Variants in PTGIR observed in about 807,000 individuals in gnomAD.
PTGIR encodes prostaglandin I2 receptor, also known as prostacyclin receptor.
A neutral mutation model predicts 17.6 loss-of-function variants in PTGIR; 16 were observed. That is an observed-to-expected ratio of 0.91 (90% CI 0.61 to 1.38). PTGIR has a LOEUF of 1.38. Ranked by LOEUF, PTGIR falls within the 40% of genes most tolerant of loss-of-function variation. The pLI, the probability that PTGIR is intolerant of heterozygous loss-of-function variation, is 0.00. For missense variants in PTGIR, 532 were observed against 548.6 expected, an observed-to-expected ratio of 0.97 and a Z score of 0.30; for synonymous variants, 274 against 255.4, an observed-to-expected ratio of 1.07 and a Z score of -0.69.
the PTGIR span, among the ~76,000 whole-genome samples, chr19:46,613,027 CTTTTTTTTTTTTTTTTTTTTTT>C: frequency 1.2e-4 from 9 of 74,238 alleles, no homozygotes; most frequent in East Asian, 3.6e-3. Flanking sequence ...TTGTGCCAAA[CTTTTTTTTTTTTTTTTTTTTTT>C]TTTTTTTTTT....
chr19:46,616,228 C>T (rs571927380), downstream of PTGIR, among the ~76,000 whole-genome samples: 5 of 150,824 alleles, frequency 3.3e-5, no homozygotes, highest in Admixed American at 1.3e-4. Context: ...CAGACCAGAG[C>T]AACTCAAGGT....
chr19:46,611,976 C>T, the PTGIR span, among the ~76,000 whole-genome samples: 44 of 152,366 alleles, frequency 2.9e-4, no homozygotes, highest in African/African-American at 1.0e-3. Flanking sequence ...TCCCAGGGCC[C>T]TCCTTGTGGC....
downstream of PTGIR, among the ~76,000 whole-genome samples, chr19:46,619,547 A>AAGAGAG (rs200797814): frequency 9.0e-4 from 79 of 87,898 alleles, no homozygotes; most frequent in Middle Eastern, 5.1e-3. Context: ...GAAAGAAAGA[A>AAGAGAG]AGAGAGAGAG....
chr19:46,613,205 G>T, the PTGIR span, among the ~76,000 whole-genome samples: 1 of 149,238 alleles, frequency 6.7e-6, no homozygotes, highest in East Asian at 2.0e-4. Context: ...CACCATGCCC[G>T]GCTAATTTTT....
downstream of PTGIR, among the ~76,000 whole-genome samples, chr19:46,619,572 AG>A (rs1568675629): frequency 1.4e-4 from 20 of 140,022 alleles, no homozygotes; most frequent in African/African-American, 4.7e-4. Flanking sequence ...AGAGAGAGAG[AG>A]AGAGAGAGAG....
At chr19:46,615,907 TCCTCCCAACTCCA>T (rs377394658), downstream of PTGIR, among the ~76,000 whole-genome samples, 2 of 151,284 alleles carry the variant, frequency 1.3e-5, no homozygotes, top group African/African-American at 4.9e-5. Context: ...ACCCAAGCAA[TCCTCCCAACTCCA>T]CCTCCCAAGT....
chr19:46,623,923 G>A lies in PTGIR; in HGVS notation c.303C>T (p.Phe101=), dbSNP rs1171941857. Residue 101 remains phenylalanine, a synonymous_variant, in exon 2 of 3, where the codon TTC becomes TTT. Coordinates refer to ENST00000291294, the MANE Select transcript of PTGIR (RefSeq NM_000960.4). ...GGATGAGCATGGACGCCAGGCCGAAGAAGGTCATGGCGAAGGCGAAGGCAT... is the reference window on the plus strand; with the variant it reads ...GGATGAGCATGGACGCCAGGCCGAAAAAGGTCATGGCGAAGGCGAAGGCAT... ...LCDAFAFAMT[F]FGLASMLILF... 3.7e-6 allele frequency: 6 copies of A among 1,603,868 alleles called. No homozygotes were observed. Among genetic ancestry groups the A allele is most frequent in the Admixed American group, 1.7e-5 (1 of 59,166 alleles).
the PTGIR span, among the ~76,000 whole-genome samples, chr19:46,615,351 A>G: frequency 1.3e-3 from 192 of 152,336 alleles, no homozygotes; most frequent in African/African-American, 4.3e-3. Flanking sequence ...ACACCGTTGT[A>G]TATAAGGAAC....
At chr19:46,623,243 G>C (rs112167448) in intron 2 of PTGIR, 5,160 of 478,064 alleles carry the variant, frequency 0.011, 218 homozygotes, top group African/African-American at 0.091. Flanking sequence ...ATGATCCGCC[G>C]GCCTCGGCCT....
chr19:46,622,429 AT>A lies in PTGIR; in HGVS notation c.769-758del, dbSNP rs1257276372. 3 of 975,860 alleles carry A rather than the reference AT, an allele frequency of 3.1e-6. No individual in the cohort carries two copies. In the Admixed American group the frequency reaches 1.8e-4, roughly 60 times the overall value. The allele number at this position is 975,860 out of a possible 1,614,324, so 60.5% of individuals were successfully genotyped here. ...GAACGTTCTCTTGGTTTCCTGCCAA[AT>A]ACTGTGGAATGGGTGGCTATGATCA... On this transcript the variant is annotated intron_variant, in intron 2 of 2. Transcript: ENST00000291294.
At chr19:46,616,400 C>T (rs142414051), downstream of PTGIR, among the ~76,000 whole-genome samples, 723 of 129,250 alleles carry the variant, frequency 5.6e-3, 10 homozygotes, top group Admixed American at 0.028. Flanking sequence ...GTGGCGTGAT[C>T]TCGGCTCACT....
In PTGIR at chr19:46,621,813, CAA is replaced by C; in HGVS notation, c.769-143_769-142del. ...AGGAGATAAGATAAAGACTAAGTAA[CAA>C]ATGTATCTGGGGAACACAGGGAGAG... is the stretch of plus-strand genomic sequence containing the variant. On this transcript the variant is annotated intron_variant, in intron 2 of 2. Coordinates refer to ENST00000291294, the MANE Select transcript of PTGIR (RefSeq NM_000960.4). The surrounding 1 kb of genome is among the most constrained non-coding windows in gnomAD (Gnocchi z 4.8). The C allele has an allele frequency of 7.0e-7, 1 of 1,424,216 alleles. No individual in the cohort carries two copies. The highest frequency in any genetic ancestry group is 9.2e-7 in the Non-Finnish European group (1 of 1,089,762). 88.2% of individuals were successfully genotyped at this position (1,424,216 alleles called of 1,614,324 possible).
chr19:46,617,028 G>A (rs543232096), downstream of PTGIR, among the ~76,000 whole-genome samples: 1 of 152,376 alleles, frequency 6.6e-6, no homozygotes, highest in Non-Finnish European at 1.5e-5. Context: ...GAAGGGCAAG[G>A]GTGTTTTTGA....
At chr19:46,612,575 G>C in the PTGIR span, among the ~76,000 whole-genome samples, 12 of 152,202 alleles carry the variant, frequency 7.9e-5, no homozygotes, top group Non-Finnish European at 1.5e-4. Context: ...GACACAGCCG[G>C]AATCTGAACC....
chr19:46,614,554 T>C, the PTGIR span: 3 of 454,616 alleles, frequency 6.6e-6, no homozygotes, highest in Non-Finnish European at 8.7e-6. Context: ...CCTCTGTGTC[T>C]GCTGGTTTGA....
In PTGIR at chr19:46,624,178, C is replaced by A. The variant is rs201794414; in HGVS notation, c.48G>T (p.Gly16=). The A allele has an allele frequency of 6.5e-5, 96 of 1,482,402 alleles. No homozygotes were observed. In the African/African-American group the frequency reaches 1.3e-3, roughly 19 times the overall value. 91.8% of individuals were successfully genotyped at this position (1,482,402 alleles called of 1,614,324 possible). ...RNLTYVRGSV[G]PATSTLMFVA... Reference sequence around the variant, plus strand: ...CGAACATCAGGGTGCTGGTGGCCGGCCCCACCGAGCCCCGCACGTAGGTGA... The same window carrying A: ...CGAACATCAGGGTGCTGGTGGCCGGACCCACCGAGCCCCGCACGTAGGTGA... Residue 16 remains glycine (G), a synonymous_variant, in exon 2 of 3, where the codon GGG becomes GGT. Coordinates refer to ENST00000291294, the MANE Select transcript of PTGIR (RefSeq NM_000960.4).
the PTGIR span, among the ~76,000 whole-genome samples, chr19:46,611,383 A>C: frequency 6.6e-6 from 1 of 152,188 alleles, no homozygotes; most frequent in Non-Finnish European, 1.5e-5. Flanking sequence ...TCACTGCTTT[A>C]GTCTCACAGG....
chr19:46,617,676 G>A (rs1459217596), downstream of PTGIR, among the ~76,000 whole-genome samples: 1 of 152,160 alleles, frequency 6.6e-6, no homozygotes, highest in Non-Finnish European at 1.5e-5. Context: ...GTGACACAGA[G>A]AGAGGAGGTG....
chr19:46,623,365 T>C (rs1345021357), intron 2 of PTGIR, 93 bp downstream of exon 2: 3 of 1,386,694 alleles, frequency 2.2e-6, no homozygotes, highest in Non-Finnish European at 2.8e-6. Context: ...CTCACCTCTT[T>C]TGAGCCTCAG....
Sources: gnomAD v4.1 joint callset for allele counts (sites outside exome capture counted in the v4.1 genomes callset) on GRCh38, gnomAD v4.1.1 for gene constraint, Gnocchi (gnomAD v3.1) non-coding constraint, MANE v1.5 for transcripts, NCBI Gene and HGNC (gene_info 2026-07-23, HGNC 2026-07-21) for gene names.